Variants in SMYD3 observed in about 807,000 individuals in gnomAD.
SMYD3 encodes the protein histone-lysine N-methyltransferase SMYD3.
In SMYD3, 36 loss-of-function variants were observed where a neutral mutation model predicts 57.7. That is an observed-to-expected ratio of 0.62 (90% CI 0.48 to 0.82). SMYD3 has a LOEUF of 0.82. Ranked by LOEUF, SMYD3 falls within the 40% of genes least tolerant of loss-of-function variation. The pLI is 0.00. For missense variants in SMYD3, 515 were observed against 538.8 expected (o/e 0.96, Z 0.44); for synonymous variants, 211 against 195.0 (o/e 1.08, Z -0.68).
chr1:245,919,471 T>TC (rs2055702755), intron 7 of SMYD3, among the ~76,000 whole-genome samples: 1 of 152,186 alleles, frequency 6.6e-6, no homozygotes, highest in East Asian at 1.9e-4. Flanking sequence ...CAAATACACC[T>TC]CTTCCTATGG....
chr1:246,373,538 A>G (rs1227704365), intron 1 of SMYD3, among the ~76,000 whole-genome samples: 2 of 152,206 alleles, frequency 1.3e-5, no homozygotes, highest in Non-Finnish European at 2.9e-5. Context: ...ACAACTTACA[A>G]TAATAAAATC....
intron 5 of SMYD3, among the ~76,000 whole-genome samples, chr1:246,026,654 C>A (rs150053937): frequency 6.6e-6 from 1 of 152,314 alleles, no homozygotes; most frequent in South Asian, 2.1e-4. Context: ...CCATATGAGA[C>A]AGTTAACTTA....
At chr1:246,463,702 G>A (rs2067839657) in intron 1 of SMYD3, among the ~76,000 whole-genome samples, 1 of 147,894 alleles carries the variant, frequency 6.8e-6, no homozygotes, top group Non-Finnish European at 1.5e-5. Flanking sequence ...TGGGTGTTGT[G>A]GCGGGCGCCT....
chr1:246,170,298 C>A (rs959838974), intron 5 of SMYD3, among the ~76,000 whole-genome samples: 1 of 151,738 alleles, frequency 6.6e-6, no homozygotes, highest in Non-Finnish European at 1.5e-5. Flanking sequence ...GAAATATAAT[C>A]CAACTAATAC....
intron 5 of SMYD3, among the ~76,000 whole-genome samples, chr1:246,123,806 TTG>T (rs1223684550): frequency 6.7e-6 from 1 of 149,554 alleles, no homozygotes; most frequent in African/African-American, 2.5e-5. Context: ...TCCATTTTTC[TTG>T]TGTTTTTTTT....
chr1:245,884,346 T>C (rs2052961179), intron 8 of SMYD3, among the ~76,000 whole-genome samples: 2 of 152,120 alleles, frequency 1.3e-5, no homozygotes, highest in Admixed American at 6.5e-5. Flanking sequence ...GGAGGTTTAA[T>C]GGGCAAAAGA....
intron 10 of SMYD3, among the ~76,000 whole-genome samples, chr1:245,856,706 T>C (rs561825217): frequency 4.7e-4 from 72 of 152,236 alleles, no homozygotes; most frequent in African/African-American, 1.7e-3. Flanking sequence ...GGTGGACCCA[T>C]GTAAAGTTTC....
intron 5 of SMYD3, among the ~76,000 whole-genome samples, chr1:245,985,419 C>T (rs764334247): frequency 1.6e-4 from 24 of 152,164 alleles, no homozygotes; most frequent in Non-Finnish European, 2.4e-4. Flanking sequence ...TAATTTCTAC[C>T]TTGTTCCTGT....
At chr1:246,207,710 C>A (rs1233141372) in intron 5 of SMYD3, among the ~76,000 whole-genome samples, 1 of 152,114 alleles carries the variant, frequency 6.6e-6, no homozygotes, top group Admixed American at 6.5e-5. Flanking sequence ...GGATATGAAT[C>A]ATGTTTTTTC....
intron 2 of SMYD3, among the ~76,000 whole-genome samples, chr1:246,345,883 C>G (rs1046893452): frequency 6.6e-6 from 1 of 152,170 alleles, no homozygotes; most frequent in African/African-American, 2.4e-5. Flanking sequence ...CCTTAAACCC[C>G]AGGATCCCCT....
intron 1 of SMYD3, among the ~76,000 whole-genome samples, chr1:246,384,725 A>T (rs995897761): frequency 6.6e-6 from 1 of 152,158 alleles, no homozygotes; most frequent in African/African-American, 2.4e-5. Flanking sequence ...GTGTGTATAT[A>T]TATCAATAAA....
intron 5 of SMYD3, among the ~76,000 whole-genome samples, chr1:246,158,854 A>G (rs1360682815): frequency 1.3e-5 from 2 of 152,224 alleles, no homozygotes; most frequent in African/African-American, 4.8e-5. Flanking sequence ...CCTGCTTTAC[A>G]TCAGCATAGT....
intron 5 of SMYD3, among the ~76,000 whole-genome samples, chr1:246,271,117 A>T (rs1398774784): frequency 6.6e-6 from 1 of 152,200 alleles, no homozygotes; most frequent in Admixed American, 6.5e-5. Context: ...TCTTTGGAAA[A>T]ATGTCTACTT....
intron 10 of SMYD3, among the ~76,000 whole-genome samples, chr1:245,779,813 T>C (rs764902667): frequency 1.3e-5 from 2 of 152,172 alleles, no homozygotes; most frequent in Non-Finnish European, 2.9e-5. Context: ...TGGAAAACAT[T>C]TTGGCAATTA....
Position 246,202,457 on chromosome 1 carries a change from G to T in SMYD3, c.531+124744C>A, listed in dbSNP as rs980730731. Among the ~76,000 whole-genome samples the T allele has an allele frequency of 7.2e-5, 11 of 152,076 alleles. No homozygotes were observed. Among genetic ancestry groups the T allele is most frequent in the African/African-American group, 2.7e-4 (11 of 41,406 alleles). ...CCTGCTACTGCAAACCCCAGGCTGGGCCTTGACTCTGCCTGCAAGAATTCA... is the reference window on the plus strand; with the variant it reads ...CCTGCTACTGCAAACCCCAGGCTGGTCCTTGACTCTGCCTGCAAGAATTCA... On this transcript the variant is annotated intron_variant, in intron 5 of 11. Transcript: ENST00000490107. The surrounding 1 kb of genome is among the most constrained non-coding windows in gnomAD (Gnocchi z 4.1).
intron 5 of SMYD3, among the ~76,000 whole-genome samples, chr1:246,072,154 A>G (rs60729633): frequency 6.9e-5 from 9 of 129,632 alleles, no homozygotes; most frequent in East Asian, 2.2e-4. Context: ...TGTGCTTTCC[A>G]CTGTGCTCAC....
At chr1:246,112,651 C>A (rs527932087) in intron 5 of SMYD3, among the ~76,000 whole-genome samples, 1 of 151,906 alleles carries the variant, frequency 6.6e-6, no homozygotes, top group South Asian at 2.1e-4. Context: ...TTTTGAAAAC[C>A]CAAGCTTAGA....
intron 5 of SMYD3, among the ~76,000 whole-genome samples, chr1:246,213,646 T>C (rs956035147): frequency 4.6e-5 from 7 of 152,154 alleles, no homozygotes; most frequent in Non-Finnish European, 8.8e-5. Flanking sequence ...GCCAGGACAG[T>C]GGCCCTGTTC....
In SMYD3 at chr1:246,429,412, C is replaced by G. The variant is rs945310113; in HGVS notation, c.165-74318G>C. ...CACTGCCAAGTATCATCTTAAGAGG[C>G]CTTCAAATGTAGGACGCATCCTAAT... On this transcript the variant is annotated intron_variant, in intron 1 of 11. Coordinates refer to ENST00000490107, the MANE Select transcript of SMYD3 (RefSeq NM_001167740.2). 2.6e-5 allele frequency among the ~76,000 whole-genome samples: 4 copies of G among 152,188 alleles called. No homozygotes were observed. The South Asian group carries it at 6.2e-4, about 24-fold the overall frequency.
Sources: allele counts gnomAD v4.1 joint callset (sites outside exome capture counted in the v4.1 genomes callset), GRCh38; gene constraint gnomAD v4.1.1; non-coding constraint Gnocchi (gnomAD v3.1); transcripts MANE v1.5; gene names NCBI Gene and HGNC (gene_info 2026-07-23, HGNC 2026-07-21).